The following MYCN variants were observed in gnomAD, a reference collection of about 807,000 sequenced individuals.
The protein encoded by MYCN is MYCN proto-oncogene, bHLH transcription factor, also known as N-myc proto-oncogene protein.
Under a neutral mutation model 28.1 loss-of-function variants are expected in MYCN, and 3 were observed. The observed-to-expected ratio is 0.11, with a 90% CI of 0.05 to 0.28. The LOEUF is 0.28. Among genes scored for constraint, MYCN ranks in the 10% least tolerant of loss-of-function variants. The pLI, the probability that MYCN is intolerant of heterozygous loss-of-function variation, is 1.00. For missense variants in MYCN, 572 were observed against 651.4 expected (o/e 0.88, Z 1.33); for synonymous variants, 326 against 288.3 (o/e 1.13, Z -1.32).
Position 15,942,282 on chromosome 2 carries a change from A to G in MYCN, c.218A>G (p.Glu73Gly), listed in dbSNP as rs2103324249. ...CGTGGCTTCGCGGAGCACAGCTCCG[A>G]GCCCCCGAGCTGGGTCACGGAGATG... ...PSRGFAEHSSEPPSWVTEMLL... is the reference protein window; with the variant it reads ...PSRGFAEHSSGPPSWVTEMLL... Residue 73 changes from glutamate to glycine, a missense_variant, in exon 2 of 3, where the codon GAG becomes GGG. By Grantham distance (98) the Glu-to-Gly change is moderately conservative. Around this residue, in one of 3 missense-constraint regions of MYCN, gnomAD observed 499 missense variants for 524.3 expected, o/e 0.95. Transcript: ENST00000281043. The surrounding 1 kb of genome is among the most constrained non-coding windows in gnomAD (Gnocchi z 7.0). 6.2e-7 allele frequency: 1 copy of G among 1,611,270 alleles called. No individual in the cohort carries two copies. Among genetic ancestry groups the G allele is most frequent in the Non-Finnish European group, 8.5e-7 (1 of 1,179,272 alleles).
chr2:15,943,403 C>CTTTTTCT (rs534043077), intron 2 of MYCN, among the ~76,000 whole-genome samples: 25 of 138,394 alleles, frequency 1.8e-4, no homozygotes, highest in African/African-American at 4.3e-4. Context: ...TTTTCTTTTT[C>CTTTTTCT]TTTTTTTTTT....
Position 15,942,823 on chromosome 2 carries a change from T to G in MYCN, c.759T>G (p.Ser253Arg), listed in dbSNP as rs2103326303. Reference protein sequence around the residue: ...QTSGGDHKALSTSGEDTLSDS... With the variant: ...QTSGGDHKALRTSGEDTLSDS... ...GCGGCGGCGACCACAAGGCCCTCAGTACCTCCGGAGAGGACACCCTGAGCG... is the reference window on the plus strand; with the variant it reads ...GCGGCGGCGACCACAAGGCCCTCAGGACCTCCGGAGAGGACACCCTGAGCG... Residue 253 changes from serine to arginine, a missense_variant, in exon 2 of 3, where the codon AGT becomes AGG. Coordinates refer to ENST00000281043, the MANE Select transcript of MYCN (RefSeq NM_005378.6). The surrounding 1 kb of genome is among the most constrained non-coding windows in gnomAD (Gnocchi z 7.0). 6.4e-7 allele frequency: 1 copy of G among 1,573,366 alleles called. No individual in the cohort carries two copies. Among genetic ancestry groups the G allele is most frequent in the Non-Finnish European group, 8.6e-7 (1 of 1,167,006 alleles).
rs1173022843 is a variant in MYCN, at chr2:15,946,877, T to G, written c.*780T>G. On this transcript the variant is annotated 3_prime_UTR_variant, in exon 3 of 3. Transcript: ENST00000281043. The stretch of plus-strand genomic sequence containing the variant: ...TTCCTGTTAATGTATTTGTTCATGT[T>G]TGGTGCATAGAACTGGGTAAATGCA... The G allele has an allele frequency of 4.6e-6, 1 of 219,668 alleles. No homozygotes were observed. The highest frequency in any genetic ancestry group is 9.1e-6 in the Non-Finnish European group (1 of 109,356). The allele number at this position is 219,668 out of a possible 1,614,324, so 13.6% of individuals were successfully genotyped here.
chr2:15,942,058 C>T lies in MYCN; in HGVS notation c.-7C>T, dbSNP rs925081508. 1.2e-6 allele frequency: 2 copies of T among 1,612,074 alleles called. No homozygotes were observed. The highest frequency in any genetic ancestry group is 1.7e-6 in the Non-Finnish European group (2 of 1,179,618). ...AAGCCCTCAGTCGCCGGCCGGGAGG[C>T]GAGCCGATGCCGAGCTGCTCCACGT... On this transcript the variant is annotated 5_prime_UTR_variant, in exon 2 of 3. It introduces an in-frame stop codon into an upstream open reading frame of the 5' UTR. Transcript: ENST00000281043. The surrounding 1 kb of genome is among the most constrained non-coding windows in gnomAD (Gnocchi z 7.0).
In MYCN at chr2:15,942,686, G is replaced by T. The variant is rs756439436; in HGVS notation, c.622G>T (p.Ala208Ser). ...NKREPAPVPA[A>S]PASAPAAGPA... ...GCGCGAGCCAGCGCCCGTGCCCGCA[G>T]CCCCGGCCAGTGCCCCGGCGGCGGG... is the stretch of plus-strand genomic sequence containing the variant. The change falls in exon 2 of 3, where the codon GCC (alanine) becomes TCC (serine). Residue 208 changes from alanine (A) to serine (S), a missense_variant. By Grantham distance (99) the Ala-to-Ser change is moderately conservative (BLOSUM62 1). Transcript: ENST00000281043. The surrounding 1 kb of genome is among the most constrained non-coding windows in gnomAD (Gnocchi z 7.0). 1.7e-6 allele frequency: 2 copies of T among 1,186,218 alleles called. No homozygotes were observed. The highest frequency in any genetic ancestry group is 3.9e-5 in the Admixed American group (1 of 25,728). 73.5% of individuals were successfully genotyped at this position (1,186,218 alleles called of 1,614,324 possible).
Position 15,946,216 on chromosome 2 carries a change from C to T in MYCN, c.*119C>T, listed in dbSNP as rs1572221964. ...TTTCAAATCGGTCCCCTGTCGAGTT[C>T]GGCTCTGGGTGGGCAGTAGGACCAC... On this transcript the variant is annotated 3_prime_UTR_variant, in exon 3 of 3. Transcript: ENST00000281043. The T allele has an allele frequency of 9.6e-6, 14 of 1,465,534 alleles. No individual in the cohort carries two copies. Among genetic ancestry groups the T allele is most frequent in the Admixed American group, 5.8e-5 (3 of 52,106 alleles). 90.8% of individuals were successfully genotyped at this position (1,465,534 alleles called of 1,614,324 possible). A position where few individuals can be genotyped will look rare whatever the true frequency, so the allele number is the denominator to read the frequency against.
At position 15,946,565 on chromosome 2, in the gene MYCN, G is replaced by C. The variant is rs1572222261; in HGVS notation, c.*468G>C. ...TAATGAGAGGTGGCTTTTGCGGCCA[G>C]TATTAGACTGGAAGTTCATACCTAA... On this transcript the variant is annotated 3_prime_UTR_variant, in exon 3 of 3. Coordinates refer to ENST00000281043, the MANE Select transcript of MYCN (RefSeq NM_005378.6). 1.8e-5 allele frequency: 6 copies of C among 333,514 alleles called. No individual in the cohort carries two copies. The East Asian group carries it at 2.8e-4, about 15-fold the overall frequency. 20.7% of individuals were successfully genotyped at this position (333,514 alleles called of 1,614,324 possible).
rs2103324657 is a variant in MYCN at position 15,942,388 on chromosome 2, C to T, written c.324C>T (p.Asn108=). The T allele has an allele frequency of 6.2e-7, 1 of 1,607,666 alleles. No individual in the cohort carries two copies. Among genetic ancestry groups the T allele is most frequent in the Non-Finnish European group, 8.5e-7 (1 of 1,178,780 alleles). Residue 108 remains asparagine, a synonymous_variant, in exon 2 of 3, where the codon AAC becomes AAT. Coordinates refer to ENST00000281043, the MANE Select transcript of MYCN (RefSeq NM_005378.6). This position sits in a 1 kb window ranked among gnomAD's most constrained non-coding sequence, Gnocchi z 7.0. Reference sequence around the variant, plus strand: ...GGGGACTGGGTGGCCTCACCCCCAACCCGGTCATCCTCCAGGACTGCATGT... The same window carrying T: ...GGGGACTGGGTGGCCTCACCCCCAATCCGGTCATCCTCCAGGACTGCATGT... ...GLGGLGGLTP[N]PVILQDCMWS... is the part of the protein sequence containing the mutation.
rs751553239 is a variant in MYCN at position 15,945,951 on chromosome 2, G to C, written c.1249G>C (p.Ala417Pro). Residue 417 changes from alanine to proline, a missense_variant, in exon 3 of 3, where the codon GCC (alanine) becomes CCC (proline). Coordinates refer to ENST00000281043, the MANE Select transcript of MYCN (RefSeq NM_005378.6). The surrounding 1 kb of genome is among the most constrained non-coding windows in gnomAD (Gnocchi z 4.8). ...HVPELVKNEK[A>P]AKVVILKKAT... Reference sequence around the variant, plus strand: ...GCCGGAGTTGGTAAAGAATGAGAAGGCCGCCAAGGTGGTCATTTTGAAAAA... The same window carrying C: ...GCCGGAGTTGGTAAAGAATGAGAAGCCCGCCAAGGTGGTCATTTTGAAAAA... 6.2e-7 allele frequency: 1 copy of C among 1,614,148 alleles called. No individual in the cohort carries two copies. The highest frequency in any genetic ancestry group is 8.5e-7 in the Non-Finnish European group (1 of 1,180,038).
Position 15,942,976 on chromosome 2 carries a change from G to A in MYCN, c.790+122G>A, listed in dbSNP as rs1662750680. The A allele has an allele frequency of 3.9e-6, 5 of 1,269,456 alleles. No homozygotes were observed. Among genetic ancestry groups the A allele is most frequent in the Non-Finnish European group, 5.3e-6 (5 of 951,076 alleles). The allele number at this position is 1,269,456 out of a possible 1,614,324, so 78.6% of individuals were successfully genotyped here. On this transcript the variant is annotated intron_variant, in intron 2 of 2. Transcript: ENST00000281043. The surrounding 1 kb of genome is among the most constrained non-coding windows in gnomAD (Gnocchi z 7.0). The stretch of plus-strand genomic sequence containing the variant: ...TTTTGGAGGCAGTGCTAGGGGCAGA[G>A]AGGTCCTGTTTCCCCCAAGTCTCTC...
intron 2 of MYCN, among the ~76,000 whole-genome samples, chr2:15,943,327 G>C (rs765537247): frequency 1.3e-4 from 20 of 152,106 alleles, no homozygotes; most frequent in Non-Finnish European, 2.1e-4. Flanking sequence ...GCTGTGCAAA[G>C]CCCTGTTTAA....
At position 15,942,972 on chromosome 2, in the gene MYCN, CAG is replaced by C. The variant is rs1451813120; in HGVS notation, c.790+123_790+124del. 1.6e-5 allele frequency: 20 copies of C among 1,282,894 alleles called. No homozygotes were observed. In the Admixed American group the frequency reaches 4.5e-4, roughly 29 times the overall value. The allele number at this position is 1,282,894 out of a possible 1,614,324, so 79.5% of individuals were successfully genotyped here. A position where few individuals can be genotyped will look rare whatever the true frequency, so the allele number is the denominator to read the frequency against. On this transcript the variant is annotated intron_variant, in intron 2 of 2. Coordinates refer to ENST00000281043, the MANE Select transcript of MYCN (RefSeq NM_005378.6). This position sits in a 1 kb window ranked among gnomAD's most constrained non-coding sequence, Gnocchi z 7.0. The stretch of plus-strand genomic sequence containing the variant: ...AGCATTTTGGAGGCAGTGCTAGGGG[CAG>C]AGAGGTCCTGTTTCCCCCAAGTCTC...
chr2:15,943,528 T>C (rs1662776404), intron 2 of MYCN, among the ~76,000 whole-genome samples: 1 of 151,568 alleles, frequency 6.6e-6, no homozygotes, highest in Admixed American at 6.6e-5. Context: ...GGGCCCGGGA[T>C]CTGAAAGGCT....
In MYCN at chr2:15,945,397, C is replaced by G; in HGVS notation, c.791-96C>G. The G allele has an allele frequency of 7.0e-7, 1 of 1,435,454 alleles. No individual in the cohort carries two copies. Among genetic ancestry groups the G allele is most frequent in the South Asian group, 1.2e-5 (1 of 81,028 alleles). 88.9% of individuals were successfully genotyped at this position (1,435,454 alleles called of 1,614,324 possible). On this transcript the variant is annotated intron_variant, in intron 2 of 2. Coordinates refer to ENST00000281043, the MANE Select transcript of MYCN (RefSeq NM_005378.6). The surrounding 1 kb of genome is among the most constrained non-coding windows in gnomAD (Gnocchi z 4.8). Reference sequence around the variant, plus strand: ...AAAATAGCAGTCTGCCAGGGTCTGCCGGAAGAGACAGATAAGCATACATAT... The same window carrying G: ...AAAATAGCAGTCTGCCAGGGTCTGCGGGAAGAGACAGATAAGCATACATAT...
At position 15,942,501 on chromosome 2, in the gene MYCN, C is replaced by A; in HGVS notation, c.437C>A (p.Thr146Asn). 1 of 1,516,546 alleles carries A rather than the reference C, an allele frequency of 6.6e-7. No homozygotes were observed. Among genetic ancestry groups the A allele is most frequent in the Non-Finnish European group, 8.8e-7 (1 of 1,139,738 alleles). 93.9% of individuals were successfully genotyped at this position (1,516,546 alleles called of 1,614,324 possible). A position where few individuals can be genotyped will look rare whatever the true frequency, so the allele number is the denominator to read the frequency against. The change falls in exon 2 of 3, where the codon ACC becomes AAC. Residue 146 changes from threonine to asparagine, a missense_variant. Thr to Asn is a moderately conservative substitution (Grantham distance 65). Around this residue, in one of 3 missense-constraint regions of MYCN, gnomAD observed 499 missense variants for 524.3 expected, o/e 0.95. Transcript: ENST00000281043. The surrounding 1 kb of genome is among the most constrained non-coding windows in gnomAD (Gnocchi z 7.0). ...CGCGGGCCGCCAACCGCCGGTTCCA[C>A]CGCCCAGTCCCCGGGAGCCGGCGCC... is the stretch of plus-strand genomic sequence containing the variant. ...HGRGPPTAGS[T>N]AQSPGAGAAS...
At position 15,946,230 on chromosome 2, in the gene MYCN, C is replaced by CAGT. The variant is rs1662870322; in HGVS notation, c.*136_*138dup. Reference sequence around the variant, plus strand: ...CCTGTCGAGTTCGGCTCTGGGTGGGCAGTAGGACCACCAGTGTGGGGTTCT... The same window carrying CAGT: ...CCTGTCGAGTTCGGCTCTGGGTGGGCAGTAGTAGGACCACCAGTGTGGGGTTCT... On this transcript the variant is annotated 3_prime_UTR_variant, in exon 3 of 3. Transcript: ENST00000281043. 7 of 1,293,406 alleles carry CAGT rather than the reference C, an allele frequency of 5.4e-6. No homozygotes were observed. The highest frequency in any genetic ancestry group is 7.6e-6 in the Non-Finnish European group (7 of 916,810). 80.1% of individuals were successfully genotyped at this position (1,293,406 alleles called of 1,614,324 possible).
At position 15,941,840 on chromosome 2, in the gene MYCN, G is replaced by T. The variant is rs970814699; in HGVS notation, c.-117-108G>T. 3.3e-6 allele frequency: 2 copies of T among 605,822 alleles called. No homozygotes were observed. Among genetic ancestry groups the T allele is most frequent in the African/African-American group, 1.9e-5 (1 of 53,986 alleles). The allele number at this position is 605,822 out of a possible 1,614,324, so 37.5% of individuals were successfully genotyped here. A position where few individuals can be genotyped will look rare whatever the true frequency, so the allele number is the denominator to read the frequency against. On this transcript the variant is annotated intron_variant, in intron 1 of 2. Transcript: ENST00000281043. This position sits in a 1 kb window ranked among gnomAD's most constrained non-coding sequence, Gnocchi z 4.8. ...ACCTTCGGGAGCAGTGGGCAGAGTG[G>T]GGGGCTTGGAGGGAAGATTGGGGAA...
rs774520005 is a variant in MYCN at position 15,942,769 on chromosome 2, C to T, written c.705C>T (p.Ala235=). 11 of 1,452,210 alleles carry T rather than the reference C, an allele frequency of 7.6e-6. No homozygotes were observed. The African/African-American group carries it at 1.4e-4, about 19-fold the overall frequency. The allele number at this position is 1,452,210 out of a possible 1,614,324, so 90.0% of individuals were successfully genotyped here. ...IAAPAGAPGV[A]PPRPGGRQTS... ...CCCCAGCCGGGGCCCCGGGGGTCGC[C>T]CCTCCGCGCCCAGGCGGCCGCCAGA... is the stretch of plus-strand genomic sequence containing the variant. Residue 235 remains alanine (A), a synonymous_variant, in exon 2 of 3, where the codon GCC becomes GCT. Coordinates refer to ENST00000281043, the MANE Select transcript of MYCN (RefSeq NM_005378.6). This position sits in a 1 kb window ranked among gnomAD's most constrained non-coding sequence, Gnocchi z 7.0.
chr2:15,944,112 T>TC (rs1302669353), intron 2 of MYCN, among the ~76,000 whole-genome samples: 1 of 152,176 alleles, frequency 6.6e-6, no homozygotes, highest in African/African-American at 2.4e-5. Context: ...AAGCACTTCC[T>TC]TCCAACAGCT....
Sources: gnomAD v4.1 joint callset for allele counts (sites outside exome capture counted in the v4.1 genomes callset) on GRCh38, gnomAD v4.1.1 for gene constraint, gnomAD v4.1.1 regional missense constraint, Gnocchi (gnomAD v3.1) non-coding constraint, MANE v1.5 for transcripts, NCBI Gene and HGNC (gene_info 2026-07-23, HGNC 2026-07-21) for gene names.